Variants in PEAK1 observed in about 807,000 individuals in gnomAD.
PEAK1 encodes pseudopodium enriched atypical kinase 1, also known as inactive tyrosine-protein kinase PEAK1.
Under a neutral mutation model 124.7 loss-of-function variants are expected in PEAK1, and 54 were observed. The ratio of observed to expected loss-of-function variants is 0.43; its 90% CI spans 0.35 to 0.54. The LOEUF (loss-of-function observed/expected upper bound fraction) is 0.54. PEAK1 is among the 20% of genes least tolerant of loss of function. The pLI, the probability that PEAK1 is intolerant of heterozygous loss-of-function variation, is 0.01. For missense variants in PEAK1, 2,046 were observed against 2,134.5 expected (o/e 0.96, Z 0.82); for synonymous variants, 719 against 760.0 (o/e 0.95, Z 0.89).
chr15:77,175,225 T>G (rs2056778346), intron 7 of PEAK1, among the ~76,000 whole-genome samples: 1 of 151,912 alleles, frequency 6.6e-6, no homozygotes, highest in Non-Finnish European at 1.5e-5. Flanking sequence ...CCAAAAGCAA[T>G]GGCAAGAAAA....
intron 6 of PEAK1, among the ~76,000 whole-genome samples, chr15:77,203,555 A>G (rs34554116): frequency 0.093 from 14,087 of 152,214 alleles, 727 homozygotes; most frequent in Admixed American, 0.1. Flanking sequence ...TCAAGACAGT[A>G]TGATACTGGC....
intron 2 of PEAK1, among the ~76,000 whole-genome samples, chr15:77,314,116 C>A (rs1469100405): frequency 6.6e-6 from 1 of 151,970 alleles, no homozygotes; most frequent in Non-Finnish European, 1.5e-5. Context: ...TAAAGCATTA[C>A]AGTATTTTTC....
At chr15:77,304,191 AATC>A (rs758879141) in intron 2 of PEAK1, among the ~76,000 whole-genome samples, 1 of 152,166 alleles carries the variant, frequency 6.6e-6, no homozygotes, top group Non-Finnish European at 1.5e-5. Flanking sequence ...TGAGCTTTAG[AATC>A]AGTTTGTTGA....
intron 7 of PEAK1, 72 bp downstream of exon 7, chr15:77,178,718 A>G: frequency 7.0e-7 from 1 of 1,433,542 alleles, no homozygotes; most frequent in East Asian, 2.3e-5. Context: ...TGCAATCTTA[A>G]AAGATATAAA....
At chr15:77,117,826 A>C (rs913410008) in intron 9 of PEAK1, among the ~76,000 whole-genome samples, 1 of 152,220 alleles carries the variant, frequency 6.6e-6, no homozygotes, top group East Asian at 1.9e-4. Context: ...TATTAGAAGC[A>C]GAGAAGGTAT....
intron 1 of PEAK1, among the ~76,000 whole-genome samples, chr15:77,398,194 C>A (rs1187558235): frequency 6.6e-6 from 1 of 152,176 alleles, no homozygotes; most frequent in Non-Finnish European, 1.5e-5. Context: ...AGAACTAACA[C>A]AAATGCTACT....
intron 6 of PEAK1, among the ~76,000 whole-genome samples, chr15:77,209,382 C>T (rs994670663): frequency 6.6e-6 from 1 of 151,924 alleles, no homozygotes; most frequent in South Asian, 2.1e-4. Context: ...GTCTTTTATA[C>T]CAGAAACTAT....
Position 77,133,051 on chromosome 15 carries a change from T to C in PEAK1, c.4031A>G (p.Tyr1344Cys), listed in dbSNP as rs770164666. 1.6e-5 allele frequency: 26 copies of C among 1,614,028 alleles called. No homozygotes were observed. The highest frequency in any genetic ancestry group is 2.1e-5 in the Non-Finnish European group (25 of 1,179,990). ...TGGATCTTTTGCATATGAAGCAGTA[T>C]AGTAAACCGCATCACCTGCCTCACA... ...PCCEAGDAVY[Y>C]TASYAKDPLN... The change falls in exon 9 of 10, where the codon TAT becomes TGT. Residue 1344 changes from tyrosine (Y) to cysteine (C), a missense_variant. By Grantham distance (194) the Tyr-to-Cys change is radical (BLOSUM62 -2). Coordinates refer to ENST00000682557, the MANE Select transcript of PEAK1 (RefSeq NM_001385026.1). This position sits in a 1 kb window ranked among gnomAD's most constrained non-coding sequence, Gnocchi z 4.2.
chr15:77,404,895 T>G, intron 1 of PEAK1: 1 of 473,056 alleles, frequency 2.1e-6, no homozygotes, highest in Non-Finnish European at 2.8e-6. Flanking sequence ...TGCTCTCTCC[T>G]CAATCAGTCT....
intron 1 of PEAK1, among the ~76,000 whole-genome samples, chr15:77,366,743 A>C (rs1490645317): frequency 1.3e-5 from 2 of 152,092 alleles, no homozygotes; most frequent in Non-Finnish European, 2.9e-5. Context: ...TTTTTTGTAG[A>C]GATGGGGTTT....
At chr15:77,172,733 T>G (rs1467554242) in intron 7 of PEAK1, among the ~76,000 whole-genome samples, 1 of 152,152 alleles carries the variant, frequency 6.6e-6, no homozygotes, top group African/African-American at 2.4e-5. Context: ...CAGGTACTCC[T>G]GGGTTGAGAT....
intron 1 of PEAK1, among the ~76,000 whole-genome samples, chr15:77,378,462 G>A (rs551300345): frequency 2.6e-5 from 4 of 151,724 alleles, no homozygotes; most frequent in Non-Finnish European, 4.4e-5. Context: ...GCTACTTCAC[G>A]GTATTATTTA....
chr15:77,372,853 T>C (rs2068740853), intron 1 of PEAK1, among the ~76,000 whole-genome samples: 2 of 148,978 alleles, frequency 1.3e-5, no homozygotes, highest in African/African-American at 4.8e-5. Flanking sequence ...TAAAAGTGTG[T>C]AGCACCTTCC....
chr15:77,177,956 A>G (rs2056987185), intron 7 of PEAK1: 3 of 152,222 alleles, frequency 2.0e-5, no homozygotes, highest in Non-Finnish European at 4.4e-5. Flanking sequence ...TTTGAATTCC[A>G]GCTCTGAAAA....
chr15:77,343,248 T>A lies in PEAK1; in HGVS notation c.-603+21915A>T, dbSNP rs541404914. Among the ~76,000 whole-genome samples, 3 of 152,224 alleles carry A rather than the reference T, an allele frequency of 2.0e-5. No homozygotes were observed. The South Asian group carries it at 6.2e-4, about 31-fold the overall frequency. ...ATTAATGATGTTGAGCATCTTTTCA[T>A]GTGGTCATGACTATTTGTATCTTTG... On this transcript the variant is annotated intron_variant, in intron 2 of 9. Coordinates refer to ENST00000682557, the MANE Select transcript of PEAK1 (RefSeq NM_001385026.1).
At chr15:77,293,536 T>C (rs1029474716) in intron 2 of PEAK1, among the ~76,000 whole-genome samples, 5 of 152,204 alleles carry the variant, frequency 3.3e-5, no homozygotes, top group African/African-American at 1.2e-4. Flanking sequence ...CCTTAAAGCT[T>C]CTGCCAATGC....
intron 7 of PEAK1, among the ~76,000 whole-genome samples, chr15:77,168,235 GCGCACACACACACACA>G: frequency 1.7e-5 from 1 of 59,644 alleles, no homozygotes; most frequent in Admixed American, 1.9e-4. Flanking sequence ...GCATGTGCGC[GCGCACACACACACACA>G]CACACACACA....
intron 5 of PEAK1, among the ~76,000 whole-genome samples, chr15:77,263,676 A>G (rs1351003507): frequency 6.6e-6 from 1 of 152,212 alleles, no homozygotes; most frequent in East Asian, 1.9e-4. Context: ...TACTAAAGGT[A>G]CAAGGAGGAG....
chr15:77,394,739 G>A (rs1432096074), intron 1 of PEAK1, among the ~76,000 whole-genome samples: 1 of 152,110 alleles, frequency 6.6e-6, no homozygotes, highest in Non-Finnish European at 1.5e-5. Flanking sequence ...AAACACCCAC[G>A]GACATCCAGA....
Sources: allele counts gnomAD v4.1 joint callset (sites outside exome capture counted in the v4.1 genomes callset), GRCh38; gene constraint gnomAD v4.1.1; non-coding constraint Gnocchi (gnomAD v3.1); transcripts MANE v1.5; gene names NCBI Gene and HGNC (gene_info 2026-07-23, HGNC 2026-07-21).